The following ZNF69 variants were observed in gnomAD, a reference collection of about 807,000 sequenced individuals.
ZNF69 encodes the protein zinc finger protein 69.
ZNF69 carries 47 observed loss-of-function variants against 50.9 expected under a neutral mutation model. The observed-to-expected ratio is 0.92, with a 90% CI of 0.73 to 1.18. The LOEUF (loss-of-function observed/expected upper bound fraction) is 1.18, where lower values mean the gene tolerates loss of function less well. Ranked by LOEUF, ZNF69 falls within the 50% of genes most tolerant of loss-of-function variation. The pLI is 0.00. For missense variants in ZNF69, 717 were observed against 675.1 expected (o/e 1.06, Z -0.69); for synonymous variants, 216 against 223.1 (o/e 0.97, Z 0.29).
At chr19:11,898,094 T>C (rs185887098) in intron 1 of ZNF69, among the ~76,000 whole-genome samples, 4 of 152,204 alleles carry the variant, frequency 2.6e-5, no homozygotes, top group Admixed American at 1.3e-4. Context: ...GGAGCCAGTA[T>C]TGGGAATAAG....
the ZNF69 span, among the ~76,000 whole-genome samples, chr19:11,919,834 T>C: frequency 6.6e-6 from 1 of 152,098 alleles, no homozygotes; most frequent in Non-Finnish European, 1.5e-5. Flanking sequence ...CTCCCGAAGC[T>C]CCAGAACTGT....
the ZNF69 span, among the ~76,000 whole-genome samples, chr19:11,969,753 CAT>C: frequency 4.6e-5 from 7 of 152,326 alleles, no homozygotes; most frequent in Admixed American, 3.3e-4. Context: ...GAACATTTCA[CAT>C]GAGAGGAAAG....
At chr19:11,896,217 TAAAAAAAAAA>T (rs138289885) in intron 1 of ZNF69, among the ~76,000 whole-genome samples, 2 of 63,860 alleles carry the variant, frequency 3.1e-5, no homozygotes, top group Non-Finnish European at 5.6e-5. Context: ...GAAACTCCAT[TAAAAAAAAAA>T]AAAAAAAAAA....
At position 11,905,936 on chromosome 19, in the gene ZNF69, A is replaced by G. The variant is rs1428080497; in HGVS notation, c.1539A>G (p.Glu513=). 6.2e-7 allele frequency: 1 copy of G among 1,613,896 alleles called. No individual in the cohort carries two copies. Among genetic ancestry groups the G allele is most frequent in the Admixed American group, 1.7e-5 (1 of 59,996 alleles). The stretch of plus-strand genomic sequence containing the variant: ...TCTATGAATGCAAGCAATGTGGTGA[A>G]GCCTTCAGTAGTTCCAGTTCCTTTC... ...EKLYECKQCG[E]AFSSSSSFRY... The change falls in exon 4 of 4, where the codon GAA becomes GAG. Residue 513 remains glutamate, a synonymous_variant. Transcript: ENST00000429654.
chr19:11,940,181 C>T, the ZNF69 span, among the ~76,000 whole-genome samples: 5 of 152,182 alleles, frequency 3.3e-5, no homozygotes, highest in Admixed American at 6.5e-5. Context: ...CGACCTGCCT[C>T]GGCCTCCAAA....
chr19:11,973,834 C>T, the ZNF69 span, among the ~76,000 whole-genome samples: 4 of 151,386 alleles, frequency 2.6e-5, no homozygotes, highest in Admixed American at 2.6e-4. Flanking sequence ...GTGTTCAGTT[C>T]ATTTAGGTTA....
the ZNF69 span, chr19:11,965,298 C>A: frequency 1.3e-6 from 2 of 1,575,804 alleles, no homozygotes; most frequent in Non-Finnish European, 1.7e-6. Flanking sequence ...CCGGGCCTCC[C>A]TGCGGGCGAC....
downstream of ZNF69, among the ~76,000 whole-genome samples, chr19:11,909,243 A>G (rs1341508816): frequency 6.6e-6 from 1 of 152,242 alleles, no homozygotes; most frequent in African/African-American, 2.4e-5. Flanking sequence ...TACCAGAGGT[A>G]CAAAGAGGAG....
chr19:11,938,424 CCT>C, the ZNF69 span, among the ~76,000 whole-genome samples: 2 of 152,048 alleles, frequency 1.3e-5, no homozygotes, highest in African/African-American at 2.4e-5. Flanking sequence ...GTGATGTTCC[CCT>C]CCCTGGGTCC....
the ZNF69 span, chr19:11,950,501 T>A: frequency 1.5e-6 from 1 of 648,672 alleles, no homozygotes; most frequent in Non-Finnish European, 2.8e-6. Context: ...TTTGATATCA[T>A]GAAAGGACTT....
At chr19:11,947,404 C>A in the ZNF69 span, 3 of 1,603,742 alleles carry the variant, frequency 1.9e-6, no homozygotes, top group South Asian at 1.1e-5. Flanking sequence ...ACAGGAAATA[C>A]CTTGATGAAT....
chr19:11,943,107 T>C, the ZNF69 span, among the ~76,000 whole-genome samples: 23 of 151,504 alleles, frequency 1.5e-4, no homozygotes, highest in Non-Finnish European at 3.2e-4. Context: ...AGCAGGTTTC[T>C]ATTATTATTA....
At chr19:11,890,813 G>C (rs1042342943) in intron 1 of ZNF69, among the ~76,000 whole-genome samples, 3 of 152,142 alleles carry the variant, frequency 2.0e-5, no homozygotes, top group Non-Finnish European at 2.9e-5. Flanking sequence ...CTTTTATAAG[G>C]TACATGAGGA....
intron 1 of ZNF69, among the ~76,000 whole-genome samples, chr19:11,891,446 A>AAAGG (rs530974088): frequency 2.6e-5 from 4 of 151,384 alleles, no homozygotes; most frequent in East Asian, 1.9e-4. Flanking sequence ...GAAGGAAGAA[A>AAAGG]AAGGAAGGAA....
intron 1 of ZNF69, among the ~76,000 whole-genome samples, chr19:11,902,439 C>T (rs1972267358): frequency 1.3e-5 from 2 of 152,072 alleles, no homozygotes; most frequent in African/African-American, 2.4e-5. Flanking sequence ...GTGCTTATGA[C>T]ACCTGGGTAT....
At chr19:11,965,811 A>G in the ZNF69 span, among the ~76,000 whole-genome samples, 1 of 152,202 alleles carries the variant, frequency 6.6e-6, no homozygotes, top group Non-Finnish European at 1.5e-5. Flanking sequence ...GAGGCGGCTC[A>G]AGACAATTTG....
the ZNF69 span, chr19:11,948,676 G>C: frequency 6.2e-7 from 1 of 1,612,298 alleles, no homozygotes; most frequent in Non-Finnish European, 8.5e-7. Context: ...AATGCACAGT[G>C]GGGATGGAAC....
At chr19:11,932,501 A>T in the ZNF69 span, among the ~76,000 whole-genome samples, 1 of 148,514 alleles carries the variant, frequency 6.7e-6, no homozygotes, top group African/African-American at 2.6e-5. Flanking sequence ...GAGTTGCACA[A>T]TGAATCCAAA....
the ZNF69 span, chr19:11,948,322 T>C: frequency 6.2e-7 from 1 of 1,613,772 alleles, no homozygotes. Context: ...AGACAGTCAT[T>C]GTGGAGAAAC....
Sources: allele counts gnomAD v4.1 joint callset (sites outside exome capture counted in the v4.1 genomes callset), GRCh38; gene constraint gnomAD v4.1.1; transcripts MANE v1.5; gene names NCBI Gene and HGNC (gene_info 2026-07-23, HGNC 2026-07-21).